The following DYNC1LI1 variants were observed in gnomAD, a reference collection of about 807,000 sequenced individuals.
DYNC1LI1 encodes cytoplasmic dynein 1 light intermediate chain 1.
In DYNC1LI1, 19 loss-of-function variants were observed where a neutral mutation model predicts 63.8. That is an observed-to-expected ratio of 0.30 (90% CI 0.21 to 0.44). DYNC1LI1 has a LOEUF of 0.44. Ranked by LOEUF, DYNC1LI1 falls within the 20% of genes least tolerant of loss-of-function variation. The pLI is 1.00. For missense variants in DYNC1LI1, 565 were observed against 630.2 expected (o/e 0.90, Z 1.11); for synonymous variants, 225 against 232.3 (o/e 0.97, Z 0.28).
chr3:32,530,618 G>A, intron 8 of DYNC1LI1, 98 bp from the exon 9 acceptor site: 1 of 1,075,914 alleles, frequency 9.3e-7, no homozygotes, highest in Non-Finnish European at 1.4e-6. Context: ...AACAGTTCAA[G>A]AATTTGAACA....
Position 32,570,591 on chromosome 3 carries a change from C to T in DYNC1LI1, c.146+34G>A, listed in dbSNP as rs754303801. 1.9e-6 allele frequency: 3 copies of T among 1,545,178 alleles called. No homozygotes were observed. In the South Asian group the frequency reaches 3.6e-5, roughly 18 times the overall value. On this transcript the variant is annotated intron_variant, in intron 1 of 12. Coordinates refer to ENST00000273130, the MANE Select transcript of DYNC1LI1 (RefSeq NM_016141.4). ...AGGCGTCCGCGCAAGGCCGGGGGAGCCAGCGGGGGCTGAGGGAGAGGTGGA... is the reference window on the plus strand; with the variant it reads ...AGGCGTCCGCGCAAGGCCGGGGGAGTCAGCGGGGGCTGAGGGAGAGGTGGA...
At chr3:32,560,514 G>C (rs1698175378) in intron 2 of DYNC1LI1, among the ~76,000 whole-genome samples, 1 of 152,024 alleles carries the variant, frequency 6.6e-6, no homozygotes, top group African/African-American at 2.4e-5. Context: ...TAGTAAACAT[G>C]CTACATAATA....
intron 2 of DYNC1LI1, among the ~76,000 whole-genome samples, chr3:32,547,984 A>G (rs910654636): frequency 1.3e-5 from 2 of 152,012 alleles, no homozygotes; most frequent in Non-Finnish European, 2.9e-5. Flanking sequence ...ATGTGTGTGT[A>G]TATGTTACAT....
chr3:32,565,056 C>CT (rs1698240849), intron 2 of DYNC1LI1, among the ~76,000 whole-genome samples: 1 of 152,068 alleles, frequency 6.6e-6, no homozygotes, highest in Non-Finnish European at 1.5e-5. Context: ...TGCATATTAC[C>CT]GTGGACTAAT....
intron 2 of DYNC1LI1, among the ~76,000 whole-genome samples, chr3:32,563,289 C>CCT (rs1337424845): frequency 6.5e-4 from 87 of 133,964 alleles, no homozygotes; most frequent in African/African-American, 2.3e-3. Flanking sequence ...TGGTCACTTA[C>CCT]TTTTTTTTTT....
chr3:32,529,431 A>G (rs954315794), intron 11 of DYNC1LI1, 109 bp downstream of exon 11: 2 of 1,052,814 alleles, frequency 1.9e-6, no homozygotes, highest in Admixed American at 5.5e-5. Context: ...ACAAAGCCTA[A>G]AAGGTATTAC....
At chr3:32,568,562 G>T (rs1211635667) in intron 2 of DYNC1LI1, among the ~76,000 whole-genome samples, 1 of 151,960 alleles carries the variant, frequency 6.6e-6, no homozygotes, top group Non-Finnish European at 1.5e-5. Flanking sequence ...AGGAGGCTGG[G>T]ACCTCTAAGA....
intron 2 of DYNC1LI1, among the ~76,000 whole-genome samples, chr3:32,555,071 T>A (rs1051272550): frequency 6.6e-6 from 1 of 152,118 alleles, no homozygotes; most frequent in African/African-American, 2.4e-5. Flanking sequence ...GGTTTCACCA[T>A]GTTGCCCAGG....
chr3:32,558,108 C>T (rs1470887513), intron 2 of DYNC1LI1, among the ~76,000 whole-genome samples: 2 of 152,130 alleles, frequency 1.3e-5, no homozygotes, highest in African/African-American at 4.8e-5. Flanking sequence ...GTGGCACACA[C>T]CTGTAGCCCC....
chr3:32,570,252 G>C, intron 2 of DYNC1LI1, 94 bp downstream of exon 2: 1 of 1,040,500 alleles, frequency 9.6e-7, no homozygotes, highest in Non-Finnish European at 1.4e-6. Flanking sequence ...TGGGCCGGCT[G>C]TCCGCACAAA....
intron 4 of DYNC1LI1, among the ~76,000 whole-genome samples, chr3:32,541,420 G>A (rs1056076881): frequency 6.6e-6 from 1 of 152,126 alleles, no homozygotes; most frequent in Admixed American, 6.6e-5. Context: ...TGCAGGGGAT[G>A]GCTCTACAAA....
chr3:32,537,998 T>A lies in DYNC1LI1; in HGVS notation c.739-894A>T, dbSNP rs866192684. On this transcript the variant is annotated intron_variant, in intron 5 of 12. Coordinates refer to ENST00000273130, the MANE Select transcript of DYNC1LI1 (RefSeq NM_016141.4). ...TTTATATATAATATATATATATAATTTATATATATAATATATATATATAAT... is the reference window on the plus strand; with the variant it reads ...TTTATATATAATATATATATATAATATATATATATAATATATATATATAAT... 1.7e-4 allele frequency among the ~76,000 whole-genome samples: 8 copies of A among 47,738 alleles called. 1 individual carries two copies. The highest frequency in any genetic ancestry group is 7.3e-4 in the East Asian group (1 of 1,378). 31.3% of individuals were successfully genotyped at this position (47,738 alleles called of 152,430 possible).
intron 8 of DYNC1LI1, chr3:32,532,696 T>G (rs1214295432): frequency 7.6e-6 from 2 of 263,212 alleles, no homozygotes; most frequent in Non-Finnish European, 1.3e-5. Context: ...ACATATTCAC[T>G]CATGCCAATC....
At chr3:32,531,811 G>A (rs1355006536) in intron 8 of DYNC1LI1, 1 of 152,142 alleles carries the variant, frequency 6.6e-6, no homozygotes, top group African/African-American at 2.4e-5. Context: ...GTCAGTCAGT[G>A]AGAACTACTA....
At position 32,570,650 on chromosome 3, in the gene DYNC1LI1, C is replaced by A. The variant is rs1698336518; in HGVS notation, c.121G>T (p.Asp41Tyr). The A allele has an allele frequency of 1.3e-6, 2 of 1,593,456 alleles. No individual in the cohort carries two copies. Among genetic ancestry groups the A allele is most frequent in the South Asian group, 2.3e-5 (2 of 88,468 alleles). The change falls in exon 1 of 13, where the codon GAC becomes TAC. Residue 41 changes from aspartate (D) to tyrosine (Y), a missense_variant. Coordinates refer to ENST00000273130, the MANE Select transcript of DYNC1LI1 (RefSeq NM_016141.4). ...ASGNGGAAAG[D>Y]DEDGQNLWSC... is the part of the protein sequence containing the mutation. Reference sequence around the variant, plus strand: ...CAAAGGTTCTGCCCGTCCTCGTCGTCGCCTGCCGCGGCGCCACCGTTGCCC... The same window carrying A: ...CAAAGGTTCTGCCCGTCCTCGTCGTAGCCTGCCGCGGCGCCACCGTTGCCC...
At chr3:32,542,397 G>A (rs1015732832) in intron 4 of DYNC1LI1, among the ~76,000 whole-genome samples, 3 of 151,012 alleles carry the variant, frequency 2.0e-5, no homozygotes, top group East Asian at 2.0e-4. Flanking sequence ...CACTGTGACC[G>A]GCTATTTTCA....
rs753209491 is a variant in DYNC1LI1, at chr3:32,530,566, AAC to A, written c.1081-48_1081-47del. ...ATGAGCAAATTTAATATATTATGCT[AAC>A]ACAATTAATAATTTATTCTCTAGAT... On this transcript the variant is annotated intron_variant, in intron 8 of 12. Transcript: ENST00000273130. The A allele has an allele frequency of 2.1e-6, 3 of 1,452,066 alleles. No individual in the cohort carries two copies. In the South Asian group the frequency reaches 3.4e-5, roughly 17 times the overall value. 89.9% of individuals were successfully genotyped at this position (1,452,066 alleles called of 1,614,324 possible). A position where few individuals can be genotyped will look rare whatever the true frequency, so the allele number is the denominator to read the frequency against.
chr3:32,558,857 AAAAT>A (rs1241807963), intron 2 of DYNC1LI1, among the ~76,000 whole-genome samples: 3 of 152,062 alleles, frequency 2.0e-5, no homozygotes, highest in African/African-American at 4.8e-5. Context: ...AAAAAAAAAA[AAAAT>A]AATAACAACA....
At chr3:32,527,822 A>C (rs1697640990) in intron 12 of DYNC1LI1, among the ~76,000 whole-genome samples, 1 of 152,094 alleles carries the variant, frequency 6.6e-6, no homozygotes, top group African/African-American at 2.4e-5. Context: ...ATTATTCAGC[A>C]ATTAAAAAGG....
Sources: gnomAD v4.1 joint callset for allele counts (sites outside exome capture counted in the v4.1 genomes callset) on GRCh38, gnomAD v4.1.1 for gene constraint, MANE v1.5 for transcripts, NCBI Gene and HGNC (gene_info 2026-07-23, HGNC 2026-07-21) for gene names.